The following MERTK variants were observed in gnomAD, a reference collection of about 807,000 sequenced individuals.
MERTK encodes tyrosine-protein kinase Mer.
MERTK carries 69 observed loss-of-function variants against 99.3 expected under a neutral mutation model. That is an observed-to-expected ratio of 0.70 (90% confidence interval 0.57 to 0.85). MERTK has a LOEUF of 0.85. Ranked by LOEUF, MERTK falls within the 40% of genes least tolerant of loss-of-function variation. The pLI is 0.00. For missense variants in MERTK, 1,125 were observed against 1,249.4 expected, an observed-to-expected ratio of 0.90 and a Z score of 1.50; for synonymous variants, 426 against 467.6, an observed-to-expected ratio of 0.91 and a Z score of 1.15.
At chr2:111,964,854 A>T (rs1294990861) in intron 4 of MERTK, among the ~76,000 whole-genome samples, 1 of 152,200 alleles carries the variant, frequency 6.6e-6, no homozygotes, top group Non-Finnish European at 1.5e-5. Flanking sequence ...AGGCAGCAGG[A>T]TCAGGTGAGC....
chr2:112,029,400 C>CATT lies in MERTK; in HGVS notation c.*537_*538insTTA. ...TTGAACTTACTTGAGACTTGAAAGA[C>CATT]AGTGGTCGGCAGCGGCCTTGTGGCC... On this transcript the variant is annotated 3_prime_UTR_variant, in exon 19 of 19. Transcript: ENST00000295408. The CATT allele has an allele frequency of 1.1e-6, 1 of 903,398 alleles. No homozygotes were observed. The highest frequency in any genetic ancestry group is 6.1e-5 in the Admixed American group (1 of 16,400). 56.0% of individuals were successfully genotyped at this position (903,398 alleles called of 1,614,324 possible). A position where few individuals can be genotyped will look rare whatever the true frequency, so the allele number is the denominator to read the frequency against.
chr2:112,026,300 A>T (rs1677459135), intron 18 of MERTK: 2 of 152,322 alleles, frequency 1.3e-5, no homozygotes, highest in South Asian at 2.1e-4. Context: ...AGTGATATTG[A>T]TACTATTCTA....
At chr2:111,968,439 G>T (rs1293297719) in intron 6 of MERTK, among the ~76,000 whole-genome samples, 187 bp downstream of exon 6, 1 of 152,158 alleles carries the variant, frequency 6.6e-6, no homozygotes, top group African/African-American at 2.4e-5. Context: ...ATGATACTGT[G>T]TCCTTCCTGT....
At chr2:111,971,062 G>A (rs1373643822) in intron 6 of MERTK, among the ~76,000 whole-genome samples, 1 of 152,020 alleles carries the variant, frequency 6.6e-6, no homozygotes, top group Non-Finnish European at 1.5e-5. Context: ...TATGTTATAG[G>A]AACTTGAACA....
intron 18 of MERTK, 93 bp downstream of exon 18, chr2:112,022,487 A>C: frequency 6.3e-7 from 1 of 1,581,108 alleles, no homozygotes. Flanking sequence ...GGGAGGGGAA[A>C]GGGACTGCTG....
At chr2:111,962,136 A>C (rs1422953270) in intron 4 of MERTK, among the ~76,000 whole-genome samples, 1 of 152,208 alleles carries the variant, frequency 6.6e-6, no homozygotes, top group Admixed American at 6.5e-5. Context: ...ATGTCAGATG[A>C]TGTTTCTGTG....
At chr2:111,954,320 C>T (rs1422825351) in intron 4 of MERTK, among the ~76,000 whole-genome samples, 2 of 152,326 alleles carry the variant, frequency 1.3e-5, no homozygotes, top group African/African-American at 2.4e-5. Flanking sequence ...TCACTTGACA[C>T]ACAGATCACG....
At chr2:112,008,559 A>G (rs774386585) in intron 14 of MERTK, 84 bp downstream of exon 14, 4 of 996,574 alleles carry the variant, frequency 4.0e-6, no homozygotes, top group Non-Finnish European at 4.9e-6. Context: ...TCTGGTGTAG[A>G]TAAGTTTACA....
intron 10 of MERTK, among the ~76,000 whole-genome samples, chr2:111,997,850 G>C (rs1230869341): frequency 6.6e-6 from 1 of 152,202 alleles, no homozygotes; most frequent in Non-Finnish European, 1.5e-5. Flanking sequence ...TCAGGAGTTT[G>C]AGACCAGCCT....
At chr2:111,933,547 T>C (rs1408486009) in intron 2 of MERTK, among the ~76,000 whole-genome samples, 1 of 151,918 alleles carries the variant, frequency 6.6e-6, no homozygotes, top group African/African-American at 2.4e-5. Flanking sequence ...TCATGGGACC[T>C]TTTTTTTCTA....
intron 4 of MERTK, among the ~76,000 whole-genome samples, chr2:111,951,648 T>TA (rs1685060947): frequency 6.6e-6 from 1 of 150,842 alleles, no homozygotes; most frequent in African/African-American, 2.4e-5. Flanking sequence ...GGACCACAGA[T>TA]ACCTCTTTGA....
intron 4 of MERTK, among the ~76,000 whole-genome samples, chr2:111,954,500 A>G (rs1272745131): frequency 6.6e-6 from 1 of 152,242 alleles, no homozygotes; most frequent in Non-Finnish European, 1.5e-5. Flanking sequence ...CCCATCACCC[A>G]GCACAGTGCC....
Position 111,929,425 on chromosome 2 carries a change from T to C in MERTK, c.367T>C (p.Tyr123His). ...FNCSISVPNI[Y>H]QDTTISWWKD... ...TTGCTCAATCAGTGTACCTAATATA[T>C]ACCAGGACACCACAATTTCTTGGTG... is the stretch of plus-strand genomic sequence containing the variant. Residue 123 changes from tyrosine (Y) to histidine (H), a missense_variant, in exon 2 of 19, where the codon TAC becomes CAC. Physicochemically the swap from Tyr to His is moderately conservative, Grantham distance 83. Coordinates refer to ENST00000295408, the MANE Select transcript of MERTK (RefSeq NM_006343.3). 6.2e-7 allele frequency: 1 copy of C among 1,614,038 alleles called. No individual in the cohort carries two copies. Among genetic ancestry groups the C allele is most frequent in the South Asian group, 1.1e-5 (1 of 91,060 alleles).
intron 1 of MERTK, among the ~76,000 whole-genome samples, chr2:111,902,799 T>TCCCA (rs1684069185): frequency 2.5e-5 from 1 of 39,734 alleles, no homozygotes; most frequent in African/African-American, 7.2e-5. Context: ...CCTCCCTCCC[T>TCCCA]CCCTCCCTCT....
At chr2:111,949,935 C>CTTTATT (rs1162788084) in intron 4 of MERTK, among the ~76,000 whole-genome samples, 1 of 152,054 alleles carries the variant, frequency 6.6e-6, no homozygotes, top group Admixed American at 6.6e-5. Context: ...AGTACATCAT[C>CTTTATT]TTTATTTTTA....
rs1676773633 is a variant in MERTK, at chr2:111,997,486, C to G, written c.1604+10C>G. ...AGGAGACAAAGTTTGGGTAAGTCTC[C>G]CAGCTAAAAATGTTTGCCCACTGGT... On this transcript the variant is annotated intron_variant, in intron 10 of 18. Transcript: ENST00000295408. The G allele has an allele frequency of 6.2e-7, 1 of 1,612,828 alleles. No homozygotes were observed. Among genetic ancestry groups the G allele is most frequent in the African/African-American group, 1.3e-5 (1 of 75,026 alleles).
chr2:111,962,355 G>A (rs1412904598), intron 4 of MERTK, among the ~76,000 whole-genome samples: 1 of 152,060 alleles, frequency 6.6e-6, no homozygotes, highest in Non-Finnish European at 1.5e-5. Context: ...TAAAAATACA[G>A]AATTAGCCGG....
chr2:112,028,630 C>T lies in MERTK; in HGVS notation c.2766C>T (p.Ser922=), dbSNP rs1677519103. Residue 922 remains serine, a synonymous_variant, in exon 19 of 19, where the codon AGC becomes AGT. Transcript: ENST00000295408. ...TGGTCACAGCAGAAGTTCATGACAGCAAACCTCATGAAGGACGGTACATCC... is the reference window on the plus strand; with the variant it reads ...TGGTCACAGCAGAAGTTCATGACAGTAAACCTCATGAAGGACGGTACATCC... ...ISVVTAEVHD[S]KPHEGRYILN... is the part of the protein sequence containing the mutation. 1.9e-6 allele frequency: 3 copies of T among 1,614,064 alleles called. No homozygotes were observed. Among genetic ancestry groups the T allele is most frequent in the Non-Finnish European group, 2.5e-6 (3 of 1,180,038 alleles).
intron 2 of MERTK, chr2:111,941,148 C>G: frequency 5.7e-6 from 2 of 348,290 alleles, no homozygotes; most frequent in South Asian, 2.9e-5. Flanking sequence ...TTTTTCCTAC[C>G]TTCACCTTGA....
Sources: allele counts gnomAD v4.1 joint callset (sites outside exome capture counted in the v4.1 genomes callset), GRCh38; gene constraint gnomAD v4.1.1; transcripts MANE v1.5; gene names NCBI Gene and HGNC (gene_info 2026-07-23, HGNC 2026-07-21).